Variants in NDRG1 observed in about 807,000 individuals in gnomAD.
The protein encoded by NDRG1 is N-myc downstream regulated 1.
Under a neutral mutation model 56.9 loss-of-function variants are expected in NDRG1, and 32 were observed. That is an observed-to-expected ratio of 0.56 (90% CI 0.42 to 0.76). The LOEUF is 0.76. NDRG1 is among the 30% of genes least tolerant of loss of function. The probability of loss-of-function intolerance (pLI) is 0.00; values close to 1 mark genes in which losing one functional copy is unlikely to be tolerated. For missense variants in NDRG1, 507 were observed against 545.7 expected, an observed-to-expected ratio of 0.93 and a Z score of 0.71; for synonymous variants, 211 against 204.1, an observed-to-expected ratio of 1.03 and a Z score of -0.29.
chr8:133,240,908 T>C (rs934606124), intron 15 of NDRG1: 4 of 152,116 alleles, frequency 2.6e-5, no homozygotes, highest in African/African-American at 7.2e-5. Context: ...GCAACTTCCG[T>C]CGGGGAAAGC....
At chr8:133,247,798 G>T (rs974989820) in intron 12 of NDRG1, 77 bp downstream of exon 12, 2 of 1,476,852 alleles carry the variant, frequency 1.4e-6, no homozygotes, top group Non-Finnish European at 1.9e-6. Context: ...GGAGGGGCAG[G>T]CAGGGCCACT....
chr8:133,246,761 C>T (rs531868444), intron 12 of NDRG1, 98 bp from the exon 13 acceptor site: 114 of 1,105,428 alleles, frequency 1.0e-4, no homozygotes, highest in African/African-American at 6.6e-4. Flanking sequence ...CCAGAAACTC[C>T]AGTATTTCTG....
intron 1 of NDRG1, among the ~76,000 whole-genome samples, chr8:133,294,735 C>T (rs574707247): frequency 6.6e-6 from 1 of 152,184 alleles, no homozygotes; most frequent in Non-Finnish European, 1.5e-5. Context: ...TAAGCCCCTG[C>T]CCTTCAGGCT....
chr8:133,249,929 G>C (rs922728978), intron 10 of NDRG1, among the ~76,000 whole-genome samples: 1 of 152,196 alleles, frequency 6.6e-6, no homozygotes, highest in Non-Finnish European at 1.5e-5. Flanking sequence ...GACACCAATG[G>C]CCCTGAGCTG....
At position 133,237,819 on chromosome 8, in the gene NDRG1, C is replaced by T. The variant is rs1407380961; in HGVS notation, c.*1059G>A. 4.3e-6 allele frequency: 1 copy of T among 230,564 alleles called. No individual in the cohort carries two copies. The highest frequency in any genetic ancestry group is 6.1e-5 in the East Asian group (1 of 16,344). 14.3% of individuals were successfully genotyped at this position (230,564 alleles called of 1,614,324 possible). ...GATTGAAAACTGGATTTAAGCCAAT[C>T]ACACAAAATTCCTGGAACCAAGCTG... On this transcript the variant is annotated 3_prime_UTR_variant, in exon 16 of 16. Coordinates refer to ENST00000323851, the MANE Select transcript of NDRG1 (RefSeq NM_006096.4).
intron 1 of NDRG1, among the ~76,000 whole-genome samples, chr8:133,286,563 G>A (rs950674397): frequency 2.6e-5 from 4 of 152,186 alleles, no homozygotes; most frequent in Non-Finnish European, 5.9e-5. Flanking sequence ...AAAAATCGCT[G>A]TGTGTCCTAG....
At chr8:133,284,383 A>C in intron 1 of NDRG1, 54 bp from the exon 2 acceptor site, 1 of 1,567,332 alleles carries the variant, frequency 6.4e-7, no homozygotes, top group Non-Finnish European at 8.8e-7. Flanking sequence ...AGGTTTCCTA[A>C]AGGAAGCAAA....
At chr8:133,250,601 C>T (rs1257201895) in intron 9 of NDRG1, 58 bp from the exon 10 acceptor site, 1 of 1,341,140 alleles carries the variant, frequency 7.5e-7, no homozygotes, top group Non-Finnish European at 1.1e-6. Flanking sequence ...GAGCTGGTCA[C>T]TACTCTCTCC....
chr8:133,255,705 T>C (rs930701440), intron 8 of NDRG1: 9 of 253,690 alleles, frequency 3.5e-5, no homozygotes, highest in Non-Finnish European at 6.3e-5. Context: ...CAGTGGCTGG[T>C]ACAGGGCAGG....
At chr8:133,243,158 C>T (rs1184819994) in intron 14 of NDRG1, among the ~76,000 whole-genome samples, 2 of 152,230 alleles carry the variant, frequency 1.3e-5, no homozygotes, top group Non-Finnish European at 2.9e-5. Flanking sequence ...CTGCTCTCCA[C>T]TAACTCCTGC....
chr8:133,285,402 G>A (rs1020591446), intron 1 of NDRG1, among the ~76,000 whole-genome samples: 4 of 152,172 alleles, frequency 2.6e-5, no homozygotes, highest in Admixed American at 6.5e-5. Context: ...CAGACTTTCT[G>A]AATGGAAAAC....
At chr8:133,288,067 ACATT>A (rs1217358651) in intron 1 of NDRG1, among the ~76,000 whole-genome samples, 1 of 152,154 alleles carries the variant, frequency 6.6e-6, no homozygotes, top group South Asian at 2.1e-4. Flanking sequence ...ACACATACAT[ACATT>A]CTCACAAACA....
chr8:133,284,521 T>G (rs778305044), intron 1 of NDRG1, among the ~76,000 whole-genome samples, 192 bp from the exon 2 acceptor site: 1 of 152,154 alleles, frequency 6.6e-6, no homozygotes, highest in Non-Finnish European at 1.5e-5. Context: ...AGTCTTCCCA[T>G]TGGGGCCAGC....
Position 133,244,976 on chromosome 8 carries a change from A to T in NDRG1, c.856-586T>A, listed in dbSNP as rs577058249. Among the ~76,000 whole-genome samples the T allele has an allele frequency of 1.4e-4, 21 of 152,166 alleles. No homozygotes were observed. In the East Asian group the frequency reaches 3.1e-3, roughly 22 times the overall value. On this transcript the variant is annotated intron_variant, in intron 13 of 15. Transcript: ENST00000323851. ...CTGGAAATGGGCAGCGCTGACGGCA[A>T]GGGAGCAGGGGGAGGCTGCGGGGAG...
At chr8:133,291,288 T>C (rs1260666333) in intron 1 of NDRG1, among the ~76,000 whole-genome samples, 1 of 152,184 alleles carries the variant, frequency 6.6e-6, no homozygotes, top group Admixed American at 6.5e-5. Context: ...AAAATCAACA[T>C]GTGCTGTGGC....
At chr8:133,254,681 G>C in intron 8 of NDRG1, 86 bp from the exon 9 acceptor site, 7 of 1,385,560 alleles carry the variant, frequency 5.1e-6, no homozygotes, top group Non-Finnish European at 6.1e-6. Flanking sequence ...CCTGGGTGCA[G>C]GGTGGCATTG....
intron 10 of NDRG1, 130 bp from the exon 11 acceptor site, chr8:133,248,901 A>G: frequency 1.0e-6 from 1 of 974,918 alleles, no homozygotes. Flanking sequence ...CCAACTTGAG[A>G]GAGGCCCTGT....
chr8:133,294,531 A>G (rs926802072), intron 1 of NDRG1, among the ~76,000 whole-genome samples: 3 of 152,200 alleles, frequency 2.0e-5, no homozygotes, highest in Non-Finnish European at 4.4e-5. Flanking sequence ...GTTGGGTCCC[A>G]AGGAAGAACT....
chr8:133,287,750 T>A (rs890385350), intron 1 of NDRG1, among the ~76,000 whole-genome samples: 5 of 152,324 alleles, frequency 3.3e-5, no homozygotes, highest in Admixed American at 1.3e-4. Context: ...CCCTGGCCTC[T>A]GCCCACCACA....
Sources: gnomAD v4.1 joint callset for allele counts (sites outside exome capture counted in the v4.1 genomes callset) on GRCh38, gnomAD v4.1.1 for gene constraint, MANE v1.5 for transcripts, NCBI Gene and HGNC (gene_info 2026-07-23, HGNC 2026-07-21) for gene names.